The following PTBP2 variants were observed in gnomAD, a reference collection of about 807,000 sequenced individuals.
The protein encoded by PTBP2 is polypyrimidine tract-binding protein 2.
PTBP2 carries 13 observed loss-of-function variants against 61.4 expected under a neutral mutation model. The ratio of observed to expected loss-of-function variants is 0.21; its 90% CI spans 0.14 to 0.34. PTBP2 has a LOEUF of 0.34. PTBP2 is among the 10% of genes least tolerant of loss of function. The pLI is 1.00. For missense variants in PTBP2, 405 were observed against 642.6 expected (o/e 0.63, Z 4.00); for synonymous variants, 215 against 218.5 (o/e 0.98, Z 0.14).
chr1:96,789,410 G>A (rs1457853868), intron 8 of PTBP2, among the ~76,000 whole-genome samples: 1 of 152,066 alleles, frequency 6.6e-6, no homozygotes, highest in Non-Finnish European at 1.5e-5. Context: ...ACCCCAGGCT[G>A]AGAATAGTTA....
chr1:96,774,156 A>T (rs1321134635), intron 5 of PTBP2, among the ~76,000 whole-genome samples: 4 of 151,438 alleles, frequency 2.6e-5, no homozygotes, highest in South Asian at 2.1e-4. Flanking sequence ...GGTTCCTTTA[A>T]GGGAGATTTG....
intron 3 of PTBP2, among the ~76,000 whole-genome samples, chr1:96,764,748 C>T (rs1051920983): frequency 1.3e-5 from 2 of 152,184 alleles, no homozygotes; most frequent in Admixed American, 6.5e-5. Context: ...AACAACTCAT[C>T]TTCTTGCATA....
chr1:96,747,611 A>G (rs1019134518), intron 2 of PTBP2, among the ~76,000 whole-genome samples: 44 of 152,164 alleles, frequency 2.9e-4, no homozygotes, highest in Non-Finnish European at 3.7e-4. Context: ...ATCGTAAGGC[A>G]AAGGCTGAAA....
intron 3 of PTBP2, among the ~76,000 whole-genome samples, chr1:96,760,503 T>C (rs1385010872): frequency 6.9e-6 from 1 of 144,504 alleles, no homozygotes. Flanking sequence ...TGGAATGCAG[T>C]GGCATGATCT....
chr1:96,787,939 A>G (rs551257355), intron 8 of PTBP2, among the ~76,000 whole-genome samples: 71 of 151,654 alleles, frequency 4.7e-4, no homozygotes, highest in Non-Finnish European at 8.4e-4. Context: ...TTATTGGGTC[A>G]AAGAAAATGT....
chr1:96,779,159 C>T (rs1658373754), intron 7 of PTBP2, among the ~76,000 whole-genome samples: 1 of 152,030 alleles, frequency 6.6e-6, no homozygotes, highest in Non-Finnish European at 1.5e-5. Flanking sequence ...CCGCTTCAGG[C>T]ATAGGTTAAT....
At chr1:96,746,658 C>G (rs1434567864) in intron 2 of PTBP2, among the ~76,000 whole-genome samples, 1 of 144,610 alleles carries the variant, frequency 6.9e-6, no homozygotes, top group African/African-American at 2.6e-5. Context: ...GAGCTATGAT[C>G]GTTCCATTGC....
intron 2 of PTBP2, among the ~76,000 whole-genome samples, chr1:96,731,034 T>G (rs1402039699): frequency 6.6e-6 from 1 of 152,170 alleles, no homozygotes; most frequent in Non-Finnish European, 1.5e-5. Context: ...CATAATATGG[T>G]CTCAGCAGTT....
intron 3 of PTBP2, among the ~76,000 whole-genome samples, chr1:96,756,024 G>C (rs1050159015): frequency 2.6e-4 from 40 of 152,306 alleles, no homozygotes; most frequent in Middle Eastern, 3.4e-3. Flanking sequence ...GCAAGGATGT[G>C]GAGCAACAGG....
Position 96,749,904 on chromosome 1 carries a change from T to G in PTBP2, c.40-1521T>G, listed in dbSNP as rs561358642. ...TGATTAAGTACTGTTACCTAACTGA[T>G]AAGTGGAAGCTGAGCTCCAGAGCAC... On this transcript the variant is annotated intron_variant, in intron 2 of 13. Coordinates refer to ENST00000674951, the MANE Select transcript of PTBP2 (RefSeq NM_021190.4). Among the ~76,000 whole-genome samples, 59 of 152,246 alleles carry G rather than the reference T, an allele frequency of 3.9e-4. No individual in the cohort carries two copies. The South Asian group carries it at 0.012, about 30-fold the overall frequency.
At chr1:96,748,820 G>A (rs999358253) in intron 2 of PTBP2, among the ~76,000 whole-genome samples, 2 of 152,134 alleles carry the variant, frequency 1.3e-5, no homozygotes, top group Non-Finnish European at 2.9e-5. Flanking sequence ...TAATTCAGAT[G>A]AAATTATTCT....
downstream of PTBP2, chr1:96,819,330 T>C (rs1176929347): frequency 6.6e-6 from 1 of 152,044 alleles, no homozygotes; most frequent in Non-Finnish European, 1.5e-5. Context: ...GTGCAAAGTA[T>C]GCCTTCAGGG....
intron 1 of PTBP2, among the ~76,000 whole-genome samples, chr1:96,722,512 C>T (rs1649750175): frequency 6.8e-6 from 1 of 147,250 alleles, no homozygotes; most frequent in South Asian, 2.2e-4. Flanking sequence ...TCATTTGAGT[C>T]TGGTAGTGGG....
intron 8 of PTBP2, among the ~76,000 whole-genome samples, chr1:96,793,753 A>G (rs1437056037): frequency 1.3e-5 from 2 of 152,202 alleles, no homozygotes; most frequent in African/African-American, 4.8e-5. Flanking sequence ...TAGAGAGCTT[A>G]TTCAACTCTT....
intron 1 of PTBP2, 80 bp downstream of exon 1, chr1:96,721,952 A>T (rs1238454897): frequency 6.5e-7 from 1 of 1,535,056 alleles, no homozygotes; most frequent in African/African-American, 1.4e-5. Context: ...GCCGGGGAGA[A>T]ACCCTCCCGC....
chr1:96,743,566 G>C (rs866389460), intron 2 of PTBP2, among the ~76,000 whole-genome samples: 3 of 152,056 alleles, frequency 2.0e-5, no homozygotes, highest in Middle Eastern at 3.4e-3. Flanking sequence ...CTTTTTTTCT[G>C]TGTATATTAG....
intron 2 of PTBP2, 149 bp downstream of exon 2, chr1:96,723,743 A>G: frequency 3.3e-6 from 2 of 610,140 alleles, no homozygotes; most frequent in South Asian, 3.3e-5. Flanking sequence ...TGGACCATAT[A>G]AACAGTTTGT....
rs1041917898 is a variant in PTBP2, at chr1:96,785,146, A to C, written c.796A>C (p.Asn266His). 6.2e-7 allele frequency: 1 copy of C among 1,610,228 alleles called. No individual in the cohort carries two copies. The highest frequency in any genetic ancestry group is 8.5e-7 in the Non-Finnish European group (1 of 1,177,416). Residue 266 changes from asparagine (N) to histidine (H), a missense_variant, in exon 8 of 14, where the codon AAT becomes CAT. Asn to His is a moderately conservative substitution (Grantham distance 68). Around this residue, in one of 4 missense-constraint regions of PTBP2, gnomAD observed 342 missense variants for 491.2 expected, o/e 0.70. Transcript: ENST00000674951. ...KLVNLNVKYNNDKSRDYTRPD... is the reference protein window; with the variant it reads ...KLVNLNVKYNHDKSRDYTRPD... ...TGTGAATTTGAATGTAAAATACAAC[A>C]ATGATAAAAGTAGGGATTATACTCG...
intron 3 of PTBP2, among the ~76,000 whole-genome samples, chr1:96,753,503 G>T (rs1042409446): frequency 2.0e-4 from 30 of 151,710 alleles, no homozygotes; most frequent in African/African-American, 6.5e-4. Flanking sequence ...AGAAAGACAT[G>T]ATATAGTTTT....
Sources: gnomAD v4.1 joint callset for allele counts (sites outside exome capture counted in the v4.1 genomes callset) on GRCh38, gnomAD v4.1.1 for gene constraint, gnomAD v4.1.1 regional missense constraint, MANE v1.5 for transcripts, NCBI Gene and HGNC (gene_info 2026-07-23, HGNC 2026-07-21) for gene names.